CSMD3: variants seen among roughly 807,000 people sequenced by gnomAD.
CSMD3 encodes the protein CUB and sushi domain-containing protein 3.
Under a neutral mutation model 435.2 loss-of-function variants are expected in CSMD3, and 177 were observed. The observed-to-expected ratio is 0.41, with a 90% CI of 0.36 to 0.46. CSMD3 has a LOEUF of 0.46. Among genes scored for constraint, CSMD3 ranks in the 20% least tolerant of loss-of-function variants. CSMD3 has a pLI of 0.34. For missense variants in CSMD3, 4,265 were observed against 4,504.6 expected (o/e 0.95, Z 1.52); for synonymous variants, 1,656 against 1,520.5 (o/e 1.09, Z -2.07).
intron 10 of CSMD3, among the ~76,000 whole-genome samples, chr8:112,904,748 T>C (rs571588424): frequency 2.0e-5 from 3 of 151,504 alleles, no homozygotes; most frequent in South Asian, 2.1e-4. Context: ...TTGTTTTAGA[T>C]GATAGAATTG....
intron 53 of CSMD3, 79 bp downstream of exon 53, chr8:112,301,714 T>C (rs1254760191): frequency 9.8e-7 from 1 of 1,018,366 alleles, no homozygotes; most frequent in Non-Finnish European, 1.6e-6. Flanking sequence ...TAGTATCTCA[T>C]ATTAGGGAAA....
chr8:112,792,607 A>T (rs992227819), intron 13 of CSMD3, among the ~76,000 whole-genome samples: 7 of 152,284 alleles, frequency 4.6e-5, no homozygotes, highest in Admixed American at 1.3e-4. Context: ...GTCCCCTAAG[A>T]TAATTTTTCC....
intron 13 of CSMD3, among the ~76,000 whole-genome samples, chr8:112,772,411 C>T (rs2078141671): frequency 6.6e-6 from 1 of 152,114 alleles, no homozygotes; most frequent in Non-Finnish European, 1.5e-5. Context: ...AGGCAGCATG[C>T]TTGTTAACAG....
chr8:112,717,170 T>G (rs1440048220), intron 13 of CSMD3, among the ~76,000 whole-genome samples: 4 of 151,912 alleles, frequency 2.6e-5, no homozygotes, highest in Non-Finnish European at 5.9e-5. Flanking sequence ...AATCTATTCA[T>G]CTGACAAAGG....
Position 112,755,515 on chromosome 8 carries a change from G to A in CSMD3, c.1972+44647C>T, listed in dbSNP as rs1220231810. ...AGAAGGACAAGTTTGCTTCCCCTTC[G>A]GCCATGATGGTAAGTTTCCTGAGAC... On this transcript the variant is annotated intron_variant, in intron 13 of 70. Transcript: ENST00000297405. Among the ~76,000 whole-genome samples, 3 of 150,932 alleles carry A rather than the reference G, an allele frequency of 2.0e-5. No homozygotes were observed. The South Asian group carries it at 6.3e-4, about 31-fold the overall frequency.
At chr8:112,355,726 G>A (rs575191539) in intron 38 of CSMD3, among the ~76,000 whole-genome samples, 4 of 152,122 alleles carry the variant, frequency 2.6e-5, no homozygotes, top group South Asian at 2.1e-4. Context: ...CCAGCTACTC[G>A]GGAGGCTGAG....
intron 17 of CSMD3, among the ~76,000 whole-genome samples, chr8:112,664,133 T>G (rs1176084285): frequency 1.3e-5 from 2 of 152,124 alleles, no homozygotes; most frequent in Non-Finnish European, 2.9e-5. Context: ...AAAATAATGT[T>G]TAGTCCAAAA....
intron 31 of CSMD3, among the ~76,000 whole-genome samples, chr8:112,489,810 CTTAAAG>C (rs1219056652): frequency 1.3e-5 from 2 of 152,034 alleles, no homozygotes; most frequent in African/African-American, 4.8e-5. Context: ...TTTCTATTAG[CTTAAAG>C]AATTCACTGA....
intron 22 of CSMD3, among the ~76,000 whole-genome samples, chr8:112,598,855 T>C (rs191977024): frequency 5.9e-5 from 9 of 152,298 alleles, no homozygotes; most frequent in South Asian, 2.1e-4. Flanking sequence ...TTACACCTTA[T>C]ACAAAAATCA....
At chr8:112,390,864 A>G (rs1830354217) in intron 35 of CSMD3, 76 bp from the exon 36 acceptor site, 1 of 1,287,242 alleles carries the variant, frequency 7.8e-7, no homozygotes, top group Non-Finnish European at 1.1e-6. Context: ...GTCAGAGATA[A>G]CATCTTAGAC....
chr8:112,358,232 C>T (rs550087742), intron 38 of CSMD3, among the ~76,000 whole-genome samples: 1 of 152,248 alleles, frequency 6.6e-6, no homozygotes, highest in East Asian at 1.9e-4. Flanking sequence ...GCTGTATTTA[C>T]CCAATGCCTG....
intron 22 of CSMD3, among the ~76,000 whole-genome samples, chr8:112,613,652 T>A (rs776323887): frequency 3.3e-5 from 5 of 152,118 alleles, no homozygotes; most frequent in Non-Finnish European, 5.9e-5. Context: ...TGATTGTAGG[T>A]GACATTCTTA....
intron 22 of CSMD3, among the ~76,000 whole-genome samples, chr8:112,592,896 T>C (rs966331624): frequency 2.6e-5 from 4 of 152,154 alleles, no homozygotes; most frequent in Non-Finnish European, 5.9e-5. Flanking sequence ...CACTAACATG[T>C]AGTCTCTAGT....
At chr8:112,593,742 A>C (rs1449646024) in intron 22 of CSMD3, among the ~76,000 whole-genome samples, 1 of 152,166 alleles carries the variant, frequency 6.6e-6, no homozygotes, top group Non-Finnish European at 1.5e-5. Context: ...TAAAGAGAAG[A>C]TAGTTTTAAG....
intron 32 of CSMD3, among the ~76,000 whole-genome samples, chr8:112,470,529 G>C (rs1431920934): frequency 6.6e-6 from 1 of 152,064 alleles, no homozygotes; most frequent in Non-Finnish European, 1.5e-5. Flanking sequence ...AAAATAGCAA[G>C]TAAGTTAAGT....
intron 5 of CSMD3, among the ~76,000 whole-genome samples, chr8:113,037,986 G>A (rs1026206984): frequency 9.9e-5 from 15 of 152,090 alleles, no homozygotes; most frequent in East Asian, 3.9e-4. Context: ...GGAAACACCC[G>A]TGCAGAATGA....
intron 17 of CSMD3, among the ~76,000 whole-genome samples, chr8:112,665,766 T>A (rs552735699): frequency 3.9e-4 from 60 of 152,244 alleles, no homozygotes; most frequent in African/African-American, 1.4e-3. Flanking sequence ...ATAGTTTATT[T>A]GATCAGTAAT....
intron 4 of CSMD3, among the ~76,000 whole-genome samples, chr8:113,132,146 T>TTTGA (rs1158155362): frequency 6.6e-6 from 1 of 152,164 alleles, no homozygotes; most frequent in Non-Finnish European, 1.5e-5. Context: ...CAAACTTGCT[T>TTTGA]TTGATTTTAC....
At chr8:112,584,776 A>G (rs970261401) in intron 23 of CSMD3, among the ~76,000 whole-genome samples, 2 of 151,204 alleles carry the variant, frequency 1.3e-5, no homozygotes, top group South Asian at 2.3e-4. Context: ...ATAATGGGCT[A>G]TTTGTTTTTA....
Sources: allele counts gnomAD v4.1 joint callset (sites outside exome capture counted in the v4.1 genomes callset), GRCh38; gene constraint gnomAD v4.1.1; transcripts MANE v1.5; gene names NCBI Gene and HGNC (gene_info 2026-07-23, HGNC 2026-07-21).